Variants in SORCS3 observed in about 807,000 individuals in gnomAD.
SORCS3 encodes the protein VPS10 domain-containing receptor SorCS3.
In SORCS3, 57 loss-of-function variants were observed where a neutral mutation model predicts 146.3. The ratio of observed to expected loss-of-function variants is 0.39; its 90% CI spans 0.31 to 0.49. The LOEUF (loss-of-function observed/expected upper bound fraction) is 0.49, where lower values mean the gene tolerates loss of function less well. Ranked by LOEUF, SORCS3 falls within the 20% of genes least tolerant of loss-of-function variation. The probability of loss-of-function intolerance (pLI) is 0.92; values close to 1 mark genes in which losing one functional copy is unlikely to be tolerated. For missense variants in SORCS3, 1,341 were observed against 1,575.5 expected, an observed-to-expected ratio of 0.85 and a Z score of 2.52; for synonymous variants, 653 against 618.5, an observed-to-expected ratio of 1.06 and a Z score of -0.83.
At chr10:104,683,665 G>A (rs1214014590) in intron 1 of SORCS3, among the ~76,000 whole-genome samples, 3 of 152,178 alleles carry the variant, frequency 2.0e-5, no homozygotes, top group South Asian at 2.1e-4. Flanking sequence ...CTTGGAGAGG[G>A]GAAGCTAGGT....
chr10:105,062,687 A>C (rs1015355723), intron 5 of SORCS3, among the ~76,000 whole-genome samples: 1 of 152,206 alleles, frequency 6.6e-6, no homozygotes, highest in Admixed American at 6.5e-5. Context: ...TTTCCCAGCA[A>C]GGGCTAGCCC....
chr10:104,758,340 G>T (rs764995748), intron 1 of SORCS3, among the ~76,000 whole-genome samples: 1 of 152,118 alleles, frequency 6.6e-6, no homozygotes, highest in Non-Finnish European at 1.5e-5. Context: ...GGTGGGTGGA[G>T]TGTAACCATA....
At chr10:105,019,100 G>A (rs790644) in intron 4 of SORCS3, among the ~76,000 whole-genome samples, 81,576 of 151,914 alleles carry the variant, frequency 0.54, 24,596 homozygotes, top group African/African-American at 0.83. Context: ...GTAGTGGCTT[G>A]CTAATTCTTC....
intron 1 of SORCS3, among the ~76,000 whole-genome samples, chr10:104,756,445 C>CT (rs1454274359): frequency 1.3e-5 from 2 of 152,136 alleles, no homozygotes; most frequent in Non-Finnish European, 2.9e-5. Context: ...TCTAAGGATC[C>CT]TTTGAGTTTG....
chr10:105,165,635 T>C (rs1282408379), intron 12 of SORCS3, among the ~76,000 whole-genome samples: 1 of 152,086 alleles, frequency 6.6e-6, no homozygotes, highest in Non-Finnish European at 1.5e-5. Context: ...GATACATAAA[T>C]AAGATCATAC....
At chr10:104,760,093 A>G (rs1075696) in intron 1 of SORCS3, among the ~76,000 whole-genome samples, 1 of 152,150 alleles carries the variant, frequency 6.6e-6, no homozygotes, top group African/African-American at 2.4e-5. Flanking sequence ...GGGAAGAGCA[A>G]AGTGCAAAGG....
chr10:104,876,773 CT>C (rs1306121261), intron 2 of SORCS3, among the ~76,000 whole-genome samples: 7 of 137,414 alleles, frequency 5.1e-5, no homozygotes, highest in Admixed American at 1.5e-4. Flanking sequence ...TCCTTCCTTC[CT>C]TTCCTTCTTT....
intron 2 of SORCS3, among the ~76,000 whole-genome samples, chr10:104,858,439 C>T (rs2018358772): frequency 6.6e-6 from 1 of 152,096 alleles, no homozygotes; most frequent in Non-Finnish European, 1.5e-5. Flanking sequence ...CTCAAGTATT[C>T]ATCTGTTTTG....
At chr10:105,072,657 CTCTTTTTTTTTT>C (rs1199199709) in intron 5 of SORCS3, among the ~76,000 whole-genome samples, 2 of 110,408 alleles carry the variant, frequency 1.8e-5, no homozygotes, top group African/African-American at 6.7e-5. Context: ...TTCTCTCTCT[CTCTTTTTTTTTT>C]TTTTTTTTTT....
Position 104,813,616 on chromosome 10 carries a change from C to T in SORCS3, c.628-29176C>T, listed in dbSNP as rs896803479. ...AACAGGGTGGCTCTCTGCTCTACAG[C>T]GTTGGGTCTAATGGCCTGTCCCACA... On this transcript the variant is annotated intron_variant, in intron 1 of 26. Transcript: ENST00000369701. Among the ~76,000 whole-genome samples the T allele has an allele frequency of 5.3e-5, 8 of 152,094 alleles. 1 individual carries two copies. The highest frequency in any genetic ancestry group is 4.1e-4 in the South Asian group (2 of 4,824).
chr10:104,791,671 G>GACA (rs1170960702), intron 1 of SORCS3, among the ~76,000 whole-genome samples: 2 of 152,168 alleles, frequency 1.3e-5, no homozygotes, highest in African/African-American at 4.8e-5. Context: ...CCTCAGCTTG[G>GACA]AGCGTGGGAA....
intron 1 of SORCS3, among the ~76,000 whole-genome samples, chr10:104,799,242 C>T (rs2017594961): frequency 6.6e-6 from 1 of 152,170 alleles, no homozygotes; most frequent in South Asian, 2.1e-4. Context: ...GACACATACA[C>T]ACGTATGTTT....
intron 2 of SORCS3, among the ~76,000 whole-genome samples, chr10:104,873,185 A>G (rs1388096822): frequency 6.6e-6 from 1 of 152,252 alleles, no homozygotes; most frequent in Non-Finnish European, 1.5e-5. Flanking sequence ...AAACATAGCA[A>G]GGGTTTCTGA....
chr10:104,970,650 A>T (rs550549247), intron 3 of SORCS3, among the ~76,000 whole-genome samples: 16 of 152,306 alleles, frequency 1.1e-4, no homozygotes, highest in African/African-American at 3.8e-4. Flanking sequence ...AAAAGTCATT[A>T]TACTGCTCCA....
intron 5 of SORCS3, among the ~76,000 whole-genome samples, chr10:105,047,427 A>G (rs1189235473): frequency 6.6e-6 from 1 of 152,094 alleles, no homozygotes; most frequent in Non-Finnish European, 1.5e-5. Context: ...CTTTCTCTTG[A>G]AAGAATTAGG....
intron 16 of SORCS3, among the ~76,000 whole-genome samples, chr10:105,208,347 GAAAA>G (rs752487151): frequency 8.4e-6 from 1 of 119,026 alleles, no homozygotes. Context: ...TCTCAGAGAG[GAAAA>G]AAAAAAAAAA....
At chr10:104,903,263 C>G (rs763678931) in intron 2 of SORCS3, among the ~76,000 whole-genome samples, 1 of 152,128 alleles carries the variant, frequency 6.6e-6, no homozygotes, top group Non-Finnish European at 1.5e-5. Context: ...ATGTTAGTTA[C>G]TTAATGCCAC....
intron 11 of SORCS3, 33 bp downstream of exon 11, chr10:105,159,027 C>T (rs772019723): frequency 1.4e-6 from 2 of 1,470,162 alleles, no homozygotes; most frequent in African/African-American, 1.4e-5. Flanking sequence ...TTCTTCCTTA[C>T]TGAGAGTGTC....
chr10:105,237,733 A>G (rs2056800789), intron 20 of SORCS3, among the ~76,000 whole-genome samples: 1 of 152,168 alleles, frequency 6.6e-6, no homozygotes, highest in South Asian at 2.1e-4. Flanking sequence ...AGGAACTAGT[A>G]CTAATTTTGA....
Sources: allele counts gnomAD v4.1 joint callset (sites outside exome capture counted in the v4.1 genomes callset), GRCh38; gene constraint gnomAD v4.1.1; transcripts MANE v1.5; gene names NCBI Gene and HGNC (gene_info 2026-07-23, HGNC 2026-07-21).